The following IQGAP1 variants were observed in gnomAD, a reference collection of about 807,000 sequenced individuals.
The protein encoded by IQGAP1 is IQ motif containing GTPase activating protein 1.
IQGAP1 carries 66 observed loss-of-function variants against 215.6 expected under a neutral mutation model. The ratio of observed to expected loss-of-function variants is 0.31; its 90% CI spans 0.25 to 0.38. The LOEUF is 0.38. IQGAP1 is among the 10% of genes least tolerant of loss of function. The pLI is 1.00. For missense variants in IQGAP1, 1,712 were observed against 1,997.1 expected (o/e 0.86, Z 2.72); for synonymous variants, 772 against 728.7 (o/e 1.06, Z -0.96).
intron 7 of IQGAP1, 54 bp from the exon 8 acceptor site, chr15:90,441,452 A>G: frequency 1.4e-6 from 2 of 1,449,892 alleles, no homozygotes; most frequent in Non-Finnish European, 1.9e-6. Context: ...TACATCCTGT[A>G]ATCTATATAA....
intron 26 of IQGAP1, among the ~76,000 whole-genome samples, 186 bp downstream of exon 26, chr15:90,478,075 T>TCC (rs1330875542): frequency 6.6e-6 from 1 of 152,148 alleles, no homozygotes; most frequent in Non-Finnish European, 1.5e-5. Context: ...CACTGCAGCC[T>TCC]CCACCTCCCA....
chr15:90,466,120 T>C, intron 16 of IQGAP1, 29 bp downstream of exon 16: 1 of 1,606,684 alleles, frequency 6.2e-7, no homozygotes, highest in African/African-American at 1.3e-5. Context: ...ATTTCTGTTT[T>C]GGTGGAGGCT....
intron 22 of IQGAP1, 32 bp downstream of exon 22, chr15:90,474,165 G>A: frequency 2.5e-6 from 4 of 1,572,840 alleles, no homozygotes; most frequent in Non-Finnish European, 3.5e-6. Flanking sequence ...AAGAGTTGAG[G>A]CAGTGGCTGG....
chr15:90,396,021 C>T (rs560998879), intron 2 of IQGAP1, among the ~76,000 whole-genome samples: 11 of 152,152 alleles, frequency 7.2e-5, no homozygotes, highest in Non-Finnish European at 1.2e-4. Context: ...AAGGTAGGAA[C>T]GCTGGCTGGT....
At chr15:90,453,701 C>T (rs571469271) in intron 13 of IQGAP1, among the ~76,000 whole-genome samples, 1 of 152,198 alleles carries the variant, frequency 6.6e-6, no homozygotes, top group East Asian at 1.9e-4. Context: ...AGAATTGTCC[C>T]TTTCTTCATG....
chr15:90,436,420 T>C (rs1473341675), intron 5 of IQGAP1, among the ~76,000 whole-genome samples: 1 of 152,224 alleles, frequency 6.6e-6, no homozygotes, highest in African/African-American at 2.4e-5. Flanking sequence ...TAAGGGACTG[T>C]GGACCTGTAG....
intron 13 of IQGAP1, among the ~76,000 whole-genome samples, chr15:90,453,535 A>G (rs569677264): frequency 1.3e-5 from 2 of 152,350 alleles, no homozygotes; most frequent in African/African-American, 2.4e-5. Context: ...ACAAAGTTAA[A>G]TAATACTTTT....
chr15:90,467,893 A>G (rs563592819), intron 18 of IQGAP1, among the ~76,000 whole-genome samples: 1 of 152,316 alleles, frequency 6.6e-6, no homozygotes, highest in East Asian at 1.9e-4. Context: ...AATCTCTCCC[A>G]GTTTATATTT....
At position 90,453,299 on chromosome 15, in the gene IQGAP1, G is replaced by C; in HGVS notation, c.1487+7G>C. 3.1e-6 allele frequency: 5 copies of C among 1,605,758 alleles called. No individual in the cohort carries two copies. Among genetic ancestry groups the C allele is most frequent in the East Asian group, 4.5e-5 (2 of 44,730 alleles). On this transcript the variant is annotated splice_region_variant and intron_variant, in intron 13 of 37. Coordinates refer to ENST00000268182, the MANE Select transcript of IQGAP1 (RefSeq NM_003870.4). ...AGGAAGAAAACTGTCAGAGGTGGGT[G>C]TCCAGAGTGAAGGGAATAAATCCAT... is the stretch of plus-strand genomic sequence containing the variant.
At chr15:90,455,047 C>T (rs1965659949) in intron 14 of IQGAP1, among the ~76,000 whole-genome samples, 1 of 152,128 alleles carries the variant, frequency 6.6e-6, no homozygotes, top group African/African-American at 2.4e-5. Flanking sequence ...AATTTTATTA[C>T]AAAATATGTA....
chr15:90,452,507 A>T (rs535587014), intron 11 of IQGAP1, among the ~76,000 whole-genome samples: 1 of 152,200 alleles, frequency 6.6e-6, no homozygotes, highest in Non-Finnish European at 1.5e-5. Flanking sequence ...AGCATATAGG[A>T]TGAATTGAAC....
intron 15 of IQGAP1, among the ~76,000 whole-genome samples, chr15:90,463,053 A>G (rs1352562314): frequency 7.6e-6 from 1 of 131,748 alleles, no homozygotes; most frequent in Non-Finnish European, 1.6e-5. Flanking sequence ...TTCTTCTTAC[A>G]CTGGGATGAG....
intron 26 of IQGAP1, among the ~76,000 whole-genome samples, chr15:90,481,512 C>T (rs564526474): frequency 1.3e-5 from 2 of 152,238 alleles, no homozygotes; most frequent in Non-Finnish European, 2.9e-5. Context: ...CCCCTTCCTT[C>T]CTAGAAGACT....
intron 15 of IQGAP1, among the ~76,000 whole-genome samples, chr15:90,459,329 C>T (rs780127053): frequency 3.1e-4 from 47 of 152,092 alleles, no homozygotes; most frequent in Non-Finnish European, 6.6e-4. Context: ...AACTAGGTAG[C>T]GGGTAAGACA....
chr15:90,420,589 G>A (rs1428961625), intron 2 of IQGAP1, among the ~76,000 whole-genome samples: 2 of 152,204 alleles, frequency 1.3e-5, no homozygotes, highest in African/African-American at 4.8e-5. Flanking sequence ...CATGTGAGGG[G>A]AGTGGAGGAA....
Position 90,473,011 on chromosome 15 carries a change from G to A in IQGAP1, c.2349+1G>A. 6.2e-7 allele frequency: 1 copy of A among 1,613,652 alleles called. No individual in the cohort carries two copies. Among genetic ancestry groups the A allele is most frequent in the Non-Finnish European group, 8.5e-7 (1 of 1,179,742 alleles). ...AATCCCTGCCATCACCTGCATTCAGGTATTTCAGAACCTATCACACAGACA... is the reference window on the plus strand; with the variant it reads ...AATCCCTGCCATCACCTGCATTCAGATATTTCAGAACCTATCACACAGACA... On this transcript the variant is annotated splice_donor_variant, in intron 19 of 37. Coordinates refer to ENST00000268182, the MANE Select transcript of IQGAP1 (RefSeq NM_003870.4). LOFTEE classifies it high-confidence loss of function.
intron 2 of IQGAP1, among the ~76,000 whole-genome samples, chr15:90,404,733 C>T (rs1964853671): frequency 6.8e-6 from 1 of 148,048 alleles, no homozygotes; most frequent in African/African-American, 2.6e-5. Flanking sequence ...CGCGTATCAC[C>T]ACACTCAGCT....
chr15:90,481,712 G>T (rs1400246192), intron 26 of IQGAP1, among the ~76,000 whole-genome samples: 1 of 152,154 alleles, frequency 6.6e-6, no homozygotes, highest in East Asian at 1.9e-4. Context: ...CTGAAGAGAA[G>T]GTGTCATGTC....
chr15:90,389,042 C>T (rs748691341), intron 1 of IQGAP1, among the ~76,000 whole-genome samples: 53 of 152,112 alleles, frequency 3.5e-4, no homozygotes, highest in Non-Finnish European at 4.6e-4. Flanking sequence ...TAAAGGAGGA[C>T]CCTTTGGGAT....
Sources: allele counts gnomAD v4.1 joint callset (sites outside exome capture counted in the v4.1 genomes callset), GRCh38; gene constraint gnomAD v4.1.1; transcripts MANE v1.5; gene names NCBI Gene and HGNC (gene_info 2026-07-23, HGNC 2026-07-21).